The following MAPK10 variants were observed in gnomAD, a reference collection of about 807,000 sequenced individuals.
The protein encoded by MAPK10 is mitogen-activated protein kinase 10, also known as JNK3 alpha protein kinase.
A neutral mutation model predicts 59.3 loss-of-function variants in MAPK10; 25 were observed. The observed-to-expected ratio is 0.42, with a 90% CI of 0.31 to 0.59. The LOEUF (loss-of-function observed/expected upper bound fraction) is 0.59. MAPK10 is among the 20% of genes least tolerant of loss of function. The probability of loss-of-function intolerance (pLI) is 0.15; values close to 1 mark genes in which losing one functional copy is unlikely to be tolerated. For synonymous variants in MAPK10, 190 were observed against 200.5 expected, an observed-to-expected ratio of 0.95 and a Z score of 0.44; for missense variants, 351 against 568.9, an observed-to-expected ratio of 0.62 and a Z score of 3.90.
chr4:86,356,520 C>T (rs781644376), intron 1 of MAPK10: 8 of 889,858 alleles, frequency 9.0e-6, no homozygotes, highest in Non-Finnish European at 5.4e-6. Flanking sequence ...CAGCTTCTCC[C>T]TATTAAATAC....
At chr4:86,208,111 C>A (rs1563112964) in intron 2 of MAPK10, among the ~76,000 whole-genome samples, 2 of 151,968 alleles carry the variant, frequency 1.3e-5, no homozygotes, top group African/African-American at 4.8e-5. Context: ...GCTTACCAAC[C>A]AAAAAATTCC....
intron 3 of MAPK10, chr4:86,194,103 T>A: frequency 2.0e-6 from 1 of 493,768 alleles, no homozygotes; most frequent in Admixed American, 3.6e-5. Context: ...CCCAGTGAGA[T>A]GAACCAGGTA....
chr4:86,313,712 A>C (rs2148875261), intron 2 of MAPK10, among the ~76,000 whole-genome samples: 1 of 152,262 alleles, frequency 6.6e-6, no homozygotes, highest in Non-Finnish European at 1.5e-5. Flanking sequence ...ACTGACAATA[A>C]TACCAAGTAG....
upstream of MAPK10, among the ~76,000 whole-genome samples, chr4:86,455,519 C>T (rs1036465487): frequency 5.3e-5 from 8 of 151,972 alleles, no homozygotes; most frequent in Non-Finnish European, 8.8e-5. Context: ...TTATATCAGA[C>T]AAAACAAACT....
At chr4:86,099,161 G>T (rs2054833536) in intron 8 of MAPK10, 1 of 152,268 alleles carries the variant, frequency 6.6e-6, no homozygotes, top group Admixed American at 6.5e-5. Context: ...GGAATTCCTG[G>T]TATTTGGGAC....
intron 13 of MAPK10, among the ~76,000 whole-genome samples, chr4:86,019,654 A>G (rs904199080): frequency 6.6e-6 from 1 of 152,156 alleles, no homozygotes; most frequent in Non-Finnish European, 1.5e-5. Context: ...ATATTCTTTC[A>G]TAAGTTGCTA....
At chr4:86,169,154 C>G (rs1252638316) in intron 3 of MAPK10, among the ~76,000 whole-genome samples, 2 of 152,016 alleles carry the variant, frequency 1.3e-5, no homozygotes, top group Non-Finnish European at 2.9e-5. Context: ...AAAAGCAGAG[C>G]GACTCTCCTC....
chr4:86,504,670 A>G (rs1579420871), intron 1 of MAPK10, among the ~76,000 whole-genome samples: 1 of 152,132 alleles, frequency 6.6e-6, no homozygotes, highest in South Asian at 2.1e-4. Flanking sequence ...TAATATGTGT[A>G]TCTTAACTAG....
At chr4:86,582,278 A>G (rs368984039) in intron 1 of MAPK10, among the ~76,000 whole-genome samples, 12 of 151,638 alleles carry the variant, frequency 7.9e-5, no homozygotes, top group African/African-American at 2.7e-4. Context: ...ATTTGCTAAT[A>G]CGTTTTTGTT....
chr4:86,225,743 C>T (rs1487923423), intron 2 of MAPK10, among the ~76,000 whole-genome samples: 1 of 152,122 alleles, frequency 6.6e-6, no homozygotes, highest in African/African-American at 2.4e-5. Flanking sequence ...AAAACATCAA[C>T]ATATTAATTA....
chr4:86,538,551 C>A (rs1274186136), intron 1 of MAPK10, among the ~76,000 whole-genome samples: 1 of 152,182 alleles, frequency 6.6e-6, no homozygotes, highest in Non-Finnish European at 1.5e-5. Context: ...GCCTTTTCCT[C>A]TTCCATATAA....
At chr4:86,272,410 A>G (rs1417935346) in intron 2 of MAPK10, among the ~76,000 whole-genome samples, 1 of 151,924 alleles carries the variant, frequency 6.6e-6, no homozygotes, top group African/African-American at 2.4e-5. Context: ...CAAGGTAAAA[A>G]ATATATATTA....
intron 2 of MAPK10, among the ~76,000 whole-genome samples, chr4:86,316,904 T>C (rs927118850): frequency 2.9e-5 from 3 of 103,374 alleles, no homozygotes; most frequent in Non-Finnish European, 7.5e-5. Context: ...TCATTTTTCA[T>C]GAGAGGGATT....
chr4:86,432,678 C>G (rs1748198121), intron 1 of MAPK10, among the ~76,000 whole-genome samples: 1 of 152,144 alleles, frequency 6.6e-6, no homozygotes, highest in African/African-American at 2.4e-5. Flanking sequence ...GGCCTAAGGG[C>G]TGGATCCAAT....
chr4:86,183,533 C>T (rs972321217), intron 3 of MAPK10, among the ~76,000 whole-genome samples: 1 of 151,976 alleles, frequency 6.6e-6, no homozygotes, highest in Non-Finnish European at 1.5e-5. Flanking sequence ...TTAATCCAGT[C>T]TATCATTGTT....
At chr4:86,156,208 T>C (rs140768362) in intron 4 of MAPK10, among the ~76,000 whole-genome samples, 1,744 of 152,168 alleles carry the variant, frequency 0.011, 18 homozygotes, top group Non-Finnish European at 0.018. Context: ...CATTGGATTA[T>C]TCCCAGGGCA....
intron 7 of MAPK10, 134 bp downstream of exon 7, chr4:86,101,760 G>A: frequency 1.2e-6 from 1 of 821,822 alleles, no homozygotes; most frequent in South Asian, 1.9e-5. Context: ...TAGTGAACTA[G>A]GTGCTAATTC....
chr4:86,329,961 A>G (rs983421719), intron 2 of MAPK10, among the ~76,000 whole-genome samples: 9 of 152,164 alleles, frequency 5.9e-5, no homozygotes, highest in Admixed American at 1.3e-4. Flanking sequence ...TATTCTCCAG[A>G]CTTTTAATTT....
At chr4:86,584,356 G>T (rs959394652) in intron 1 of MAPK10, among the ~76,000 whole-genome samples, 2 of 152,138 alleles carry the variant, frequency 1.3e-5, no homozygotes, top group Non-Finnish European at 2.9e-5. Flanking sequence ...CTTTTAGGAG[G>T]TCTAAGTGGA....
Sources: allele counts gnomAD v4.1 joint callset (sites outside exome capture counted in the v4.1 genomes callset), GRCh38; gene constraint gnomAD v4.1.1; transcripts MANE v1.5; gene names NCBI Gene and HGNC (gene_info 2026-07-23, HGNC 2026-07-21).